The following DNAAF5 variants were observed in gnomAD, a reference collection of about 807,000 sequenced individuals.
DNAAF5 encodes the protein dynein axonemal assembly factor 5, also known as HEAT repeat containing 2.
A neutral mutation model predicts 75.8 loss-of-function variants in DNAAF5; 64 were observed. That is an observed-to-expected ratio of 0.84 (90% CI 0.69 to 1.04). The LOEUF (loss-of-function observed/expected upper bound fraction) is 1.04. Ranked by LOEUF, DNAAF5 falls within the 50% of genes least tolerant of loss-of-function variation. The pLI is 0.00. For missense variants in DNAAF5, 1,269 were observed against 1,178.5 expected, an observed-to-expected ratio of 1.08 and a Z score of -1.12; for synonymous variants, 657 against 557.2, an observed-to-expected ratio of 1.18 and a Z score of -2.52.
rs548848792 is a variant in DNAAF5, at chr7:739,616, C to T, written c.781-1203C>T. Among the ~76,000 whole-genome samples the T allele has an allele frequency of 7.2e-5, 11 of 152,338 alleles. No individual in the cohort carries two copies. In the South Asian group the frequency reaches 2.3e-3, roughly 32 times the overall value. On this transcript the variant is annotated intron_variant, in intron 2 of 12. Coordinates refer to ENST00000297440, the MANE Select transcript of DNAAF5 (RefSeq NM_017802.4). ...GCACGCCGAGAGTCGCCTGTGCGCA[C>T]CGCACGGGCAGCGGGAGTCAGGCGC...
chr7:765,251 G>A (rs544779260), intron 8 of DNAAF5, among the ~76,000 whole-genome samples: 2 of 152,330 alleles, frequency 1.3e-5, no homozygotes, highest in African/African-American at 4.8e-5. Flanking sequence ...CCTGTGTGGT[G>A]GGAACTGTGA....
chr7:737,797 G>A (rs944698888), intron 2 of DNAAF5, among the ~76,000 whole-genome samples: 7 of 152,184 alleles, frequency 4.6e-5, no homozygotes, highest in African/African-American at 1.7e-4. Flanking sequence ...CTGGAGCTGC[G>A]TTGTACGTGA....
At chr7:778,841 C>G (rs2128086145) in intron 11 of DNAAF5, among the ~76,000 whole-genome samples, 1 of 152,368 alleles carries the variant, frequency 6.6e-6, no homozygotes, top group East Asian at 1.9e-4. Flanking sequence ...GCAAAAGCAC[C>G]CCCCATGCAG....
chr7:761,603 G>A (rs911929354), intron 6 of DNAAF5, 150 bp from the exon 7 acceptor site: 19 of 739,920 alleles, frequency 2.6e-5, no homozygotes, highest in Non-Finnish European at 3.6e-5. Flanking sequence ...AGAACAGCAC[G>A]GGAAAGACCC....
intron 12 of DNAAF5, among the ~76,000 whole-genome samples, chr7:781,564 C>T (rs1778942237): frequency 6.6e-6 from 1 of 152,114 alleles, no homozygotes; most frequent in Non-Finnish European, 1.5e-5. Flanking sequence ...GTATGGGGCT[C>T]TATTTTTAGT....
At chr7:732,491 T>G in intron 2 of DNAAF5, 2 of 455,406 alleles carry the variant, frequency 4.4e-6, no homozygotes, top group South Asian at 3.1e-5. Context: ...TGTGTGCTGC[T>G]GGTGAGGCCA....
intron 10 of DNAAF5, among the ~76,000 whole-genome samples, chr7:774,558 C>CAA (rs528891905): frequency 6.6e-6 from 1 of 151,412 alleles, no homozygotes; most frequent in East Asian, 1.9e-4. Context: ...CTGGGCTTTC[C>CAA]GCATCGTTTC....
chr7:780,682 C>T (rs748979287), intron 12 of DNAAF5, among the ~76,000 whole-genome samples: 31 of 152,212 alleles, frequency 2.0e-4, no homozygotes, highest in Non-Finnish European at 4.1e-4. Context: ...TTCAATACCA[C>T]GCCAACAGCG....
chr7:764,693 G>A (rs1782767190), intron 8 of DNAAF5, among the ~76,000 whole-genome samples: 1 of 152,182 alleles, frequency 6.6e-6, no homozygotes, highest in Non-Finnish European at 1.5e-5. Flanking sequence ...GCCTGGTAGG[G>A]ACTCACCTTT....
At chr7:774,344 A>G (rs1004870218) in intron 10 of DNAAF5, 146 bp downstream of exon 10, 4 of 880,080 alleles carry the variant, frequency 4.5e-6, no homozygotes, top group Non-Finnish European at 6.7e-6. Flanking sequence ...CTCTCCCCAC[A>G]CTGGCGGCGG....
chr7:781,407 T>C (rs1004179166), intron 12 of DNAAF5, among the ~76,000 whole-genome samples: 3 of 152,232 alleles, frequency 2.0e-5, no homozygotes, highest in Non-Finnish European at 1.5e-5. Flanking sequence ...CACGTTTTCC[T>C]TCTCCCTTCA....
chr7:758,562 C>T (rs1782555488), intron 6 of DNAAF5, among the ~76,000 whole-genome samples: 1 of 152,258 alleles, frequency 6.6e-6, no homozygotes, highest in African/African-American at 2.4e-5. Context: ...CCAAGACGTA[C>T]ATTTCACTCC....
intron 1 of DNAAF5, 115 bp downstream of exon 1, chr7:727,430 AC>A (rs1476764835): frequency 3.1e-5 from 11 of 352,202 alleles, no homozygotes; most frequent in African/African-American, 1.8e-4. Flanking sequence ...CCACGCCCGC[AC>A]CCCCCAACAT....
intron 5 of DNAAF5, 29 bp from the exon 6 acceptor site, chr7:756,753 C>T: frequency 6.2e-7 from 1 of 1,606,760 alleles, no homozygotes. Flanking sequence ...GGGTTTGGCT[C>T]TGAGTTTTCT....
intron 1 of DNAAF5, among the ~76,000 whole-genome samples, chr7:727,881 C>T (rs1042564544): frequency 6.6e-6 from 1 of 151,402 alleles, no homozygotes; most frequent in African/African-American, 2.4e-5. Context: ...TGGAAACCAC[C>T]GCAGAAATTC....
In DNAAF5 at chr7:727,318, G is replaced by A. The variant is rs1562369852; in HGVS notation, c.595+3G>A. The A allele has an allele frequency of 7.8e-7, 1 of 1,279,000 alleles. No homozygotes were observed. The highest frequency in any genetic ancestry group is 2.4e-5 in the South Asian group (1 of 41,836). 79.2% of individuals were successfully genotyped at this position (1,279,000 alleles called of 1,614,324 possible). A position where few individuals can be genotyped will look rare whatever the true frequency, so the allele number is the denominator to read the frequency against. ...CGCCCTGGCGCAGGCCACGCCCGGTGAGCACCCCGGGCCCCGCTCCCACAC... is the reference window on the plus strand; with the variant it reads ...CGCCCTGGCGCAGGCCACGCCCGGTAAGCACCCCGGGCCCCGCTCCCACAC... On this transcript the variant is annotated splice_donor_region_variant and intron_variant, in intron 1 of 12. Transcript: ENST00000297440.
rs1178620645 is a variant in DNAAF5, at chr7:785,522, C to G, written c.2437C>G (p.Leu813Val). ...GGTGTTTTTCTGTTTTACAGAGGTC[C>G]TCAAAGAGGGCAGCGGGCTGTTCCC... is the stretch of plus-strand genomic sequence containing the variant. ...RAIQDAILEV[L>V]KEGSGLFPDL... The change falls in exon 13 of 13, where the codon CTC (leucine) becomes GTC (valine). Residue 813 changes from leucine to valine, a missense_variant. By Grantham distance (32) the Leu-to-Val change is conservative. Transcript: ENST00000297440. 2 of 1,613,706 alleles carry G rather than the reference C, an allele frequency of 1.2e-6. No individual in the cohort carries two copies. Among genetic ancestry groups the G allele is most frequent in the Admixed American group, 3.3e-5 (2 of 60,006 alleles).
At chr7:767,922 C>T (rs1428089879) in intron 8 of DNAAF5, among the ~76,000 whole-genome samples, 1 of 144,450 alleles carries the variant, frequency 6.9e-6, no homozygotes, top group East Asian at 2.2e-4. Context: ...AGCGCTAGTG[C>T]TGGGAGGGCG....
chr7:772,433 C>T (rs555903560), intron 9 of DNAAF5: 1 of 152,242 alleles, frequency 6.6e-6, no homozygotes, highest in Non-Finnish European at 1.5e-5. Context: ...CTGCGTCTGA[C>T]AGAAGCTCCA....
Sources: allele counts gnomAD v4.1 joint callset (sites outside exome capture counted in the v4.1 genomes callset), GRCh38; gene constraint gnomAD v4.1.1; transcripts MANE v1.5; gene names NCBI Gene and HGNC (gene_info 2026-07-23, HGNC 2026-07-21).